Variants in OLFM3 observed in about 807,000 individuals in gnomAD.
OLFM3 encodes the protein olfactomedin 3, also known as noelin-3.
In OLFM3, 20 loss-of-function variants were observed where a neutral mutation model predicts 48.6. That is an observed-to-expected ratio of 0.41 (90% confidence interval 0.29 to 0.60). The LOEUF (loss-of-function observed/expected upper bound fraction) is 0.60. Ranked by LOEUF, OLFM3 falls within the 20% of genes least tolerant of loss-of-function variation. The pLI, the probability that OLFM3 is intolerant of heterozygous loss-of-function variation, is 0.28. For synonymous variants in OLFM3, 222 were observed against 198.1 expected (o/e 1.12, Z -1.01); for missense variants, 437 against 544.3 (o/e 0.80, Z 1.96).
Position 101,842,852 on chromosome 1 carries a change from T to C in OLFM3, c.70-5827A>G, listed in dbSNP as rs558600468. 2.0e-5 allele frequency among the ~76,000 whole-genome samples: 3 copies of C among 152,328 alleles called. No individual in the cohort carries two copies. The South Asian group carries it at 6.2e-4, about 32-fold the overall frequency. On this transcript the variant is annotated intron_variant, in intron 1 of 5. Transcript: ENST00000370103. ...CTCAAGCTAGAATAAATCTACTCTC[T>C]TATTCATGTGAGGATTCTTCTATAA...
intron 1 of OLFM3, among the ~76,000 whole-genome samples, chr1:101,892,691 T>A (rs1254966024): frequency 6.6e-6 from 1 of 151,984 alleles, no homozygotes; most frequent in Non-Finnish European, 1.5e-5. Context: ...TGGTGAAAAA[T>A]TTGCATTGAA....
chr1:101,937,222 C>T (rs543261737), intron 1 of OLFM3, among the ~76,000 whole-genome samples: 1 of 152,266 alleles, frequency 6.6e-6, no homozygotes, highest in Non-Finnish European at 1.5e-5. Context: ...ATGCTTTTTA[C>T]CCCACCCACT....
At chr1:101,863,339 T>C (rs1019177830) in intron 1 of OLFM3, among the ~76,000 whole-genome samples, 1 of 152,238 alleles carries the variant, frequency 6.6e-6, no homozygotes, top group Non-Finnish European at 1.5e-5. Context: ...CATACTCCAT[T>C]CATTGTCTGA....
chr1:101,996,924 A>T lies in OLFM3; in HGVS notation c.-108T>A, dbSNP rs1661579453. ...ACTTTCTGCCTGCCAGTCAGAGCCG[A>T]GTGGAAGCAGAGGCGGCGGCAGCAG... On this transcript the variant is annotated 5_prime_UTR_variant, in exon 1 of 6. Coordinates refer to ENST00000370103, the MANE Select transcript of OLFM3 (RefSeq NM_058170.4). 1 of 1,193,236 alleles carries T rather than the reference A, an allele frequency of 8.4e-7. No homozygotes were observed. Among genetic ancestry groups the T allele is most frequent in the South Asian group, 1.3e-5 (1 of 79,792 alleles). 73.9% of individuals were successfully genotyped at this position (1,193,236 alleles called of 1,614,324 possible).
chr1:101,830,906 G>A (rs964096766), intron 2 of OLFM3, 79 bp from the exon 3 acceptor site: 127 of 1,339,622 alleles, frequency 9.5e-5, no homozygotes, highest in East Asian at 5.6e-4. Flanking sequence ...CAAAAATGCC[G>A]TTAACATAAA....
intron 1 of OLFM3, among the ~76,000 whole-genome samples, chr1:101,989,553 G>A (rs1661340847): frequency 9.2e-6 from 1 of 108,934 alleles, no homozygotes; most frequent in African/African-American, 3.0e-5. Context: ...TTCGTGAGTG[G>A]GGTCTATTCT....
chr1:101,935,895 A>T (rs566379261), intron 1 of OLFM3, among the ~76,000 whole-genome samples: 1 of 152,288 alleles, frequency 6.6e-6, no homozygotes, highest in Non-Finnish European at 1.5e-5. Flanking sequence ...TAATAGATGG[A>T]TAAAAGGCTT....
At chr1:101,875,545 A>G (rs1657263567) in intron 1 of OLFM3, among the ~76,000 whole-genome samples, 1 of 152,032 alleles carries the variant, frequency 6.6e-6, no homozygotes, top group Non-Finnish European at 1.5e-5. Context: ...TCTCTAAAAA[A>G]TAAAGTCTGT....
At chr1:101,951,403 T>G (rs1400598858) in intron 1 of OLFM3, among the ~76,000 whole-genome samples, 2 of 152,150 alleles carry the variant, frequency 1.3e-5, no homozygotes, top group African/African-American at 4.8e-5. Context: ...ATCTCAATAT[T>G]CCTGGTGTAT....
chr1:101,980,303 G>A lies in OLFM3; in HGVS notation c.69+16445C>T, dbSNP rs572246782. Among the ~76,000 whole-genome samples the A allele has an allele frequency of 5.9e-5, 9 of 152,182 alleles. No homozygotes were observed. The South Asian group carries it at 1.2e-3, about 21-fold the overall frequency. ...GACATGAGATTTGGGAGGGGCCGGG[G>A]TGGAATGATATGGTTTGGCTCTGTC... On this transcript the variant is annotated intron_variant, in intron 1 of 5. Transcript: ENST00000370103.
intron 1 of OLFM3, among the ~76,000 whole-genome samples, chr1:101,907,673 C>A (rs1208885219): frequency 6.6e-6 from 1 of 152,200 alleles, no homozygotes; most frequent in Non-Finnish European, 1.5e-5. Context: ...AATGCCAAAG[C>A]TCTTTTGAAT....
intron 1 of OLFM3, among the ~76,000 whole-genome samples, chr1:101,942,495 T>C (rs1443064854): frequency 6.6e-6 from 1 of 152,238 alleles, no homozygotes; most frequent in Non-Finnish European, 1.5e-5. Flanking sequence ...GTAAATGTAG[T>C]TCTTATTTCC....
At chr1:101,930,285 C>T (rs1456156590) in intron 1 of OLFM3, among the ~76,000 whole-genome samples, 1 of 152,110 alleles carries the variant, frequency 6.6e-6, no homozygotes, top group East Asian at 1.9e-4. Flanking sequence ...AAGGCAAGTA[C>T]TGGCATCTTA....
intron 1 of OLFM3, among the ~76,000 whole-genome samples, chr1:101,938,209 G>A (rs959338569): frequency 6.6e-6 from 1 of 152,042 alleles, no homozygotes; most frequent in African/African-American, 2.4e-5. Context: ...TAAACAAATA[G>A]GGCCCACTAT....
chr1:101,823,871 T>A lies in OLFM3; in HGVS notation c.592+1155A>T, dbSNP rs972013994. ...CCTTATTTCCTCCTGATTCATTTTG[T>A]TGGATTCTCTTAGAAATCCTGGTAT... On this transcript the variant is annotated intron_variant, in intron 4 of 5. Coordinates refer to ENST00000370103, the MANE Select transcript of OLFM3 (RefSeq NM_058170.4). 2.4e-4 allele frequency among the ~76,000 whole-genome samples: 36 copies of A among 152,048 alleles called. 1 individual carries two copies. The highest frequency in any genetic ancestry group is 1.5e-5 in the Non-Finnish European group (1 of 67,954).
chr1:101,943,700 T>G (rs1285442998), intron 1 of OLFM3, among the ~76,000 whole-genome samples: 1 of 152,186 alleles, frequency 6.6e-6, no homozygotes, highest in East Asian at 1.9e-4. Context: ...AGCTGGAATG[T>G]TTTCTTAAAT....
chr1:101,847,227 A>G (rs753974597), intron 1 of OLFM3: 4 of 221,368 alleles, frequency 1.8e-5, no homozygotes, highest in African/African-American at 2.3e-5. Flanking sequence ...TTGGTTGGTA[A>G]TTATCAGAGA....
chr1:101,921,638 T>G (rs1198261748), intron 1 of OLFM3, among the ~76,000 whole-genome samples: 2 of 152,236 alleles, frequency 1.3e-5, no homozygotes, highest in Non-Finnish European at 2.9e-5. Context: ...ATCTTTTACC[T>G]AAGAAATTTT....
chr1:101,864,690 C>T (rs140638384), intron 1 of OLFM3, among the ~76,000 whole-genome samples: 7 of 152,172 alleles, frequency 4.6e-5, no homozygotes, highest in Admixed American at 2.0e-4. Flanking sequence ...AGGAGTCTCC[C>T]AACCAGAACA....
Sources: gnomAD v4.1 joint callset for allele counts (sites outside exome capture counted in the v4.1 genomes callset) on GRCh38, gnomAD v4.1.1 for gene constraint, MANE v1.5 for transcripts, NCBI Gene and HGNC (gene_info 2026-07-23, HGNC 2026-07-21) for gene names.